Variants in DSCAM observed in about 807,000 individuals in gnomAD.
DSCAM encodes the protein cell adhesion molecule DSCAM.
DSCAM carries 47 observed loss-of-function variants against 217.7 expected under a neutral mutation model. That is an observed-to-expected ratio of 0.22 (90% confidence interval 0.17 to 0.28). The LOEUF is 0.28. DSCAM is among the 10% of genes least tolerant of loss of function. DSCAM has a pLI of 1.00. For missense variants in DSCAM, 2,080 were observed against 2,618.3 expected (o/e 0.79, Z 4.49); for synonymous variants, 1,056 against 1,015.3 (o/e 1.04, Z -0.76).
rs184067952 is a variant in DSCAM at position 40,809,575 on chromosome 21, A to T, written c.43+37044T>A. Among the ~76,000 whole-genome samples, 296 of 152,296 alleles carry T rather than the reference A, an allele frequency of 1.9e-3. 4 individuals carry two copies. In the South Asian group the frequency reaches 0.023, roughly 12 times the overall value. On this transcript the variant is annotated intron_variant, in intron 1 of 32. Coordinates refer to ENST00000400454, the MANE Select transcript of DSCAM (RefSeq NM_001389.5). Reference sequence around the variant, plus strand: ...TTCAGAAGTAGGTAAGTGGCTAAGAAACTGAGCCTTGTAAACTGTCAGCCT... The same window carrying T: ...TTCAGAAGTAGGTAAGTGGCTAAGATACTGAGCCTTGTAAACTGTCAGCCT...
At chr21:40,575,242 C>T (rs1049248631) in intron 3 of DSCAM, among the ~76,000 whole-genome samples, 4 of 151,610 alleles carry the variant, frequency 2.6e-5, no homozygotes, top group African/African-American at 9.7e-5. Context: ...GAACAACCCC[C>T]CTTTGACTGT....
At chr21:40,681,312 G>A (rs537926417) in intron 3 of DSCAM, among the ~76,000 whole-genome samples, 48 of 152,272 alleles carry the variant, frequency 3.2e-4, no homozygotes, top group African/African-American at 8.7e-4. Flanking sequence ...CCCCCAGCCC[G>A]TTCTGACACA....
At position 40,139,341 on chromosome 21, in the gene DSCAM, C is replaced by T. The variant is rs2090260477; in HGVS notation, c.3406+3217G>A. On this transcript the variant is annotated intron_variant, in intron 18 of 32. Coordinates refer to ENST00000400454, the MANE Select transcript of DSCAM (RefSeq NM_001389.5). ...TTATACATTTTAGGGAGACGTGAGA[C>T]ATCAATCAATATAGGTAAGAAGTAT... Among the ~76,000 whole-genome samples the T allele has an allele frequency of 2.0e-5, 3 of 152,094 alleles. No individual in the cohort carries two copies. The South Asian group carries it at 6.2e-4, about 32-fold the overall frequency.
chr21:40,399,276 CAAAACAAAACAA>C (rs987097502), intron 3 of DSCAM, among the ~76,000 whole-genome samples: 62 of 139,820 alleles, frequency 4.4e-4, no homozygotes, highest in African/African-American at 1.5e-3. Flanking sequence ...TCTCACAAAA[CAAAACAAAACAA>C]AACAAAACAA....
chr21:40,239,655 A>G (rs915306448), intron 11 of DSCAM, among the ~76,000 whole-genome samples: 1 of 152,214 alleles, frequency 6.6e-6, no homozygotes, highest in African/African-American at 2.4e-5. Context: ...GAAACTTCCA[A>G]AGTCACTTGA....
intron 1 of DSCAM, among the ~76,000 whole-genome samples, chr21:40,781,266 C>G (rs754681885): frequency 6.6e-6 from 1 of 152,152 alleles, no homozygotes. Context: ...GTGATCTGCC[C>G]ACCTTGGCCT....
intron 8 of DSCAM, among the ~76,000 whole-genome samples, chr21:40,328,447 T>C (rs1391454142): frequency 6.6e-6 from 1 of 152,174 alleles, no homozygotes. Flanking sequence ...TTAACTTTAA[T>C]TTATGATGTC....
intron 16 of DSCAM, among the ~76,000 whole-genome samples, chr21:40,161,695 G>T (rs2090543353): frequency 6.6e-6 from 1 of 152,006 alleles, no homozygotes; most frequent in African/African-American, 2.4e-5. Context: ...ATATGAGAAG[G>T]GCTAAAAATT....
intron 4 of DSCAM, 66 bp from the exon 5 acceptor site, chr21:40,353,809 G>C: frequency 2.2e-6 from 3 of 1,358,036 alleles, no homozygotes; most frequent in Non-Finnish European, 2.9e-6. Context: ...TAGAATTGTA[G>C]GACTTCATGT....
chr21:40,429,644 G>T (rs1449984157), intron 3 of DSCAM, among the ~76,000 whole-genome samples: 2 of 152,298 alleles, frequency 1.3e-5, no homozygotes, highest in Non-Finnish European at 1.5e-5. Flanking sequence ...TTGTAGTTTG[G>T]AAAGTTGTTA....
chr21:40,727,425 C>G (rs1159277368), intron 1 of DSCAM, among the ~76,000 whole-genome samples: 24 of 152,170 alleles, frequency 1.6e-4, no homozygotes, highest in Admixed American at 1.6e-3. Context: ...ATAAGGTATA[C>G]TCAAAAATAT....
intron 11 of DSCAM, among the ~76,000 whole-genome samples, chr21:40,210,112 G>A (rs2091167276): frequency 6.6e-6 from 1 of 151,958 alleles, no homozygotes; most frequent in South Asian, 2.1e-4. Context: ...CTATTTTGAG[G>A]TCTGAGAACA....
intron 3 of DSCAM, among the ~76,000 whole-genome samples, chr21:40,547,560 G>C (rs1427640359): frequency 6.6e-6 from 1 of 152,184 alleles, no homozygotes. Context: ...AAAATCGGGA[G>C]ACAGAACGCA....
intron 3 of DSCAM, among the ~76,000 whole-genome samples, chr21:40,476,021 G>T (rs926194171): frequency 5.8e-4 from 89 of 152,204 alleles, no homozygotes; most frequent in Non-Finnish European, 1.2e-3. Flanking sequence ...ATCTTTGGGT[G>T]GGTGCTTCAC....
At chr21:40,711,025 G>C (rs1459637367) in intron 1 of DSCAM, among the ~76,000 whole-genome samples, 1 of 117,804 alleles carries the variant, frequency 8.5e-6, no homozygotes, top group African/African-American at 3.1e-5. Flanking sequence ...ACTTGACCAA[G>C]GACACAGGAT....
intron 1 of DSCAM, among the ~76,000 whole-genome samples, chr21:40,800,411 A>G (rs1449963548): frequency 3.3e-5 from 5 of 152,132 alleles, no homozygotes; most frequent in Non-Finnish European, 7.4e-5. Context: ...AAAAGCCTGG[A>G]TTCTGGTGAG....
chr21:40,113,967 T>G (rs372931023), intron 20 of DSCAM, among the ~76,000 whole-genome samples: 1 of 151,248 alleles, frequency 6.6e-6, no homozygotes, highest in East Asian at 1.9e-4. Flanking sequence ...GAATCAATAT[T>G]GTGAAAATGG....
intron 11 of DSCAM, among the ~76,000 whole-genome samples, chr21:40,191,508 A>G (rs1472853804): frequency 3.3e-5 from 5 of 152,176 alleles, no homozygotes; most frequent in Non-Finnish European, 5.9e-5. Flanking sequence ...ATAAATAAAA[A>G]TGTTTATTTT....
chr21:40,825,507 G>A (rs773551325), intron 1 of DSCAM, among the ~76,000 whole-genome samples: 3 of 151,864 alleles, frequency 2.0e-5, no homozygotes, highest in Non-Finnish European at 4.4e-5. Flanking sequence ...TAGTAGAGAC[G>A]GGGTTTCACC....
Sources: gnomAD v4.1 joint callset for allele counts (sites outside exome capture counted in the v4.1 genomes callset) on GRCh38, gnomAD v4.1.1 for gene constraint, MANE v1.5 for transcripts, NCBI Gene and HGNC (gene_info 2026-07-23, HGNC 2026-07-21) for gene names.